Variants in PTPRA observed in about 807,000 individuals in gnomAD.
PTPRA encodes the protein protein tyrosine phosphatase receptor type A.
A neutral mutation model predicts 104.8 loss-of-function variants in PTPRA; 25 were observed. That is an observed-to-expected ratio of 0.24 (90% CI 0.17 to 0.33). PTPRA has a LOEUF of 0.33. Among genes scored for constraint, PTPRA ranks in the 10% least tolerant of loss-of-function variants. PTPRA has a pLI of 1.00. For missense variants in PTPRA, 765 were observed against 1,015.3 expected, an observed-to-expected ratio of 0.75 and a Z score of 3.35; for synonymous variants, 323 against 368.9, an observed-to-expected ratio of 0.88 and a Z score of 1.43.
chr20:3,019,271 C>T (rs1167244491), intron 13 of PTPRA, among the ~76,000 whole-genome samples: 1 of 150,686 alleles, frequency 6.6e-6, no homozygotes, highest in Admixed American at 6.6e-5. Context: ...CCACCTCCCT[C>T]CCGGACGAGG....
intron 3 of PTPRA, among the ~76,000 whole-genome samples, chr20:2,959,085 ACG>A: frequency 6.6e-6 from 1 of 152,222 alleles, no homozygotes; most frequent in African/African-American, 2.4e-5. Flanking sequence ...TTTCTCGGAG[ACG>A]GATGAGGTTT....
chr20:2,906,295 C>G (rs1343404949), intron 1 of PTPRA, among the ~76,000 whole-genome samples: 1 of 152,062 alleles, frequency 6.6e-6, no homozygotes, highest in East Asian at 1.9e-4. Flanking sequence ...TTCATGTAAC[C>G]AGTCAGCCCT....
intron 6 of PTPRA, 114 bp from the exon 7 acceptor site, chr20:2,986,651 C>T: frequency 1.2e-6 from 1 of 868,994 alleles, no homozygotes; most frequent in East Asian, 2.4e-5. Context: ...CATTTCCTGG[C>T]ATCTGCAGAA....
chr20:2,932,807 A>G (rs1273691170), intron 2 of PTPRA, among the ~76,000 whole-genome samples: 1 of 152,246 alleles, frequency 6.6e-6, no homozygotes, highest in East Asian at 1.9e-4. Context: ...TAATCCAGGA[A>G]TCAGGATGGC....
intron 5 of PTPRA, among the ~76,000 whole-genome samples, chr20:2,974,631 T>C (rs1298276543): frequency 6.6e-6 from 1 of 152,172 alleles, no homozygotes; most frequent in Non-Finnish European, 1.5e-5. Flanking sequence ...GGTTTTACCA[T>C]GTTGGCCAGG....
At chr20:2,896,309 G>A (rs973329352) in intron 1 of PTPRA, among the ~76,000 whole-genome samples, 4 of 152,194 alleles carry the variant, frequency 2.6e-5, no homozygotes, top group Non-Finnish European at 5.9e-5. Context: ...AACCCGGGAG[G>A]TGGAGGTTGC....
At chr20:2,927,728 T>A (rs1043838294) in intron 2 of PTPRA, among the ~76,000 whole-genome samples, 5 of 152,048 alleles carry the variant, frequency 3.3e-5, no homozygotes, top group Non-Finnish European at 7.4e-5. Flanking sequence ...TACTAGAGGC[T>A]AGGGGGCATG....
chr20:3,032,672 A>G lies in PTPRA; in HGVS notation c.1921-2913A>G, dbSNP rs192698918. ...TCCCAGCTACTCGGGAGGCTGAGGC[A>G]GGAGAATCGTTTGAACCAGGGAGCT... is the stretch of plus-strand genomic sequence containing the variant. On this transcript the variant is annotated intron_variant, in intron 20 of 23. Transcript: ENST00000399903. Among the ~76,000 whole-genome samples, 40 of 151,812 alleles carry G rather than the reference A, an allele frequency of 2.6e-4. No homozygotes were observed. The South Asian group carries it at 3.3e-3, about 13-fold the overall frequency.
intron 1 of PTPRA, among the ~76,000 whole-genome samples, chr20:2,876,511 CAT>C (rs1320662858): frequency 2.6e-5 from 4 of 152,146 alleles, no homozygotes; most frequent in Non-Finnish European, 5.9e-5. Flanking sequence ...CTATTATCAA[CAT>C]ATATAGAGAG....
chr20:3,022,818 A>G lies in PTPRA; in HGVS notation c.1458A>G (p.Gln486=), dbSNP rs780782587. 32 of 1,614,060 alleles carry G rather than the reference A, an allele frequency of 2.0e-5. No homozygotes were observed. The highest frequency in any genetic ancestry group is 2.4e-5 in the Non-Finnish European group (28 of 1,180,026). The stretch of plus-strand genomic sequence containing the variant: ...GGGCACAGCGCTGCCAGATGGTGCA[A>G]ACCGATGTGAGTGATCTGTGGGTCA... ...RIRAQRCQMV[Q]TDMQYVFIYQ... is the part of the protein sequence containing the mutation. Residue 486 remains glutamine (Q), a synonymous_variant, in exon 16 of 24, where the codon CAA becomes CAG. Transcript: ENST00000399903. This position sits in a 1 kb window ranked among gnomAD's most constrained non-coding sequence, Gnocchi z 4.6.
In PTPRA at chr20:3,008,631, C is replaced by T. The variant is rs372558987; in HGVS notation, c.906+1211C>T. Among the ~76,000 whole-genome samples, 15 of 151,244 alleles carry T rather than the reference C, an allele frequency of 9.9e-5. No homozygotes were observed. In the East Asian group the frequency reaches 1.6e-3, roughly 16 times the overall value. The stretch of plus-strand genomic sequence containing the variant: ...AAAATCAGCCGGGCACGGTGGCACA[C>T]CTGTAATCTCAGCACTTTGGGAGGC... On this transcript the variant is annotated intron_variant, in intron 11 of 23. Transcript: ENST00000399903.
intron 3 of PTPRA, among the ~76,000 whole-genome samples, chr20:2,962,172 T>G (rs2061778840): frequency 6.6e-6 from 1 of 152,214 alleles, no homozygotes; most frequent in Non-Finnish European, 1.5e-5. Flanking sequence ...TCTATAGGCT[T>G]ATTTGGGAAT....
At chr20:2,967,473 T>G (rs1384590746) in intron 5 of PTPRA, among the ~76,000 whole-genome samples, 1 of 152,274 alleles carries the variant, frequency 6.6e-6, no homozygotes, top group African/African-American at 2.4e-5. Context: ...TTATGAAATA[T>G]TCATTGCTGA....
At chr20:3,004,647 C>G (rs563428666) in intron 9 of PTPRA, among the ~76,000 whole-genome samples, 4 of 152,092 alleles carry the variant, frequency 2.6e-5, no homozygotes, top group Admixed American at 6.6e-5. Flanking sequence ...GTGTGGTTCA[C>G]TCTGAGATGC....
In PTPRA at chr20:3,035,980, G is replaced by C. The variant is rs757947138; in HGVS notation, c.2198+39G>C. ...TTGCCCTCAGCGGGAGAGAGAAAGC[G>C]AGGAGGGGCAGATAGGGGAAGCTGA... On this transcript the variant is annotated intron_variant, in intron 22 of 23. Transcript: ENST00000399903. The surrounding 1 kb of genome is among the most constrained non-coding windows in gnomAD (Gnocchi z 5.8). 2 of 1,611,386 alleles carry C rather than the reference G, an allele frequency of 1.2e-6. No individual in the cohort carries two copies. The highest frequency in any genetic ancestry group is 1.7e-6 in the Non-Finnish European group (2 of 1,179,226).
intron 2 of PTPRA, among the ~76,000 whole-genome samples, chr20:2,934,121 C>A (rs2060605662): frequency 6.6e-6 from 1 of 152,010 alleles, no homozygotes; most frequent in Non-Finnish European, 1.5e-5. Context: ...TGAAAATTTT[C>A]TGCGGATTCC....
At chr20:2,867,452 C>T in the PTPRA span, among the ~76,000 whole-genome samples, 1 of 152,098 alleles carries the variant, frequency 6.6e-6, no homozygotes, top group Non-Finnish European at 1.5e-5. Flanking sequence ...CCCGCGGGGC[C>T]CTCTGCTCTC....
intron 3 of PTPRA, among the ~76,000 whole-genome samples, chr20:2,953,510 C>T (rs544395898): frequency 3.4e-4 from 51 of 152,222 alleles, no homozygotes; most frequent in Non-Finnish European, 6.6e-4. Flanking sequence ...GCCTCAGCCT[C>T]CCGAAGTGCT....
intron 5 of PTPRA, among the ~76,000 whole-genome samples, chr20:2,973,594 T>C (rs1035634341): frequency 6.6e-6 from 1 of 152,154 alleles, no homozygotes; most frequent in Non-Finnish European, 1.5e-5. Flanking sequence ...ATTGCCCTTA[T>C]CTGTTTGGTT....
Sources: gnomAD v4.1 joint callset for allele counts (sites outside exome capture counted in the v4.1 genomes callset) on GRCh38, gnomAD v4.1.1 for gene constraint, Gnocchi (gnomAD v3.1) non-coding constraint, MANE v1.5 for transcripts, NCBI Gene and HGNC (gene_info 2026-07-23, HGNC 2026-07-21) for gene names.